The following ANAPC1 variants were observed in gnomAD, a reference collection of about 807,000 sequenced individuals.
ANAPC1 encodes anaphase promoting complex subunit 1.
In ANAPC1, 36 loss-of-function variants were observed where a neutral mutation model predicts 208.0. The ratio of observed to expected loss-of-function variants is 0.17; its 90% CI spans 0.13 to 0.23. The LOEUF is 0.23. Among genes scored for constraint, ANAPC1 ranks in the 10% least tolerant of loss-of-function variants. The probability of loss-of-function intolerance (pLI) is 1.00; values close to 1 mark genes in which losing one functional copy is unlikely to be tolerated. For synonymous variants in ANAPC1, 378 were observed against 695.2 expected (o/e 0.54, Z 7.18); for missense variants, 942 against 2,011.6 (o/e 0.47, Z 10.17).
At chr2:111,845,843 C>T (rs892728064) in intron 16 of ANAPC1, among the ~76,000 whole-genome samples, 50 of 151,980 alleles carry the variant, frequency 3.3e-4, no homozygotes, top group Admixed American at 8.5e-4. Flanking sequence ...GGCGTGGTGG[C>T]GGGCACCTGT....
At chr2:111,821,533 A>T (rs1294403195) in intron 25 of ANAPC1, 80 bp from the exon 26 acceptor site, 1 of 1,476,038 alleles carries the variant, frequency 6.8e-7, no homozygotes, top group Non-Finnish European at 9.3e-7. Context: ...ATATAGGCTG[A>T]TGTGTCTTGA....
chr2:111,852,036 T>A, intron 13 of ANAPC1, among the ~76,000 whole-genome samples: 1 of 151,812 alleles, frequency 6.6e-6, no homozygotes, highest in Non-Finnish European at 1.5e-5. Context: ...AATAAAATCC[T>A]TAGGCTTAAA....
chr2:111,779,899 T>C (rs1460034568), intron 44 of ANAPC1: 5 of 236,428 alleles, frequency 2.1e-5, no homozygotes, highest in East Asian at 1.3e-4. Context: ...CCTTGGAATC[T>C]TGAAGGTAAC....
chr2:111,826,266 C>T (rs1175254552), intron 21 of ANAPC1, among the ~76,000 whole-genome samples: 5 of 152,130 alleles, frequency 3.3e-5, no homozygotes, highest in African/African-American at 4.8e-5. Flanking sequence ...CTGTGAGTTT[C>T]GACAAATGTT....
At chr2:111,787,024 C>CT (rs1437797575) in intron 39 of ANAPC1, among the ~76,000 whole-genome samples, 1 of 147,678 alleles carries the variant, frequency 6.8e-6, no homozygotes, top group Non-Finnish European at 1.5e-5. Context: ...TGGCAGGTGC[C>CT]TGTAGTCCCA....
At chr2:111,779,767 C>T (rs1284268789) in intron 44 of ANAPC1, 4 of 165,102 alleles carry the variant, frequency 2.4e-5, no homozygotes, top group African/African-American at 7.3e-5. Context: ...GGCTTCACTC[C>T]GGGAGGTCAA....
At chr2:111,852,776 G>C (rs1388932729) in intron 13 of ANAPC1, among the ~76,000 whole-genome samples, 1 of 151,902 alleles carries the variant, frequency 6.6e-6, no homozygotes, top group Admixed American at 6.6e-5. Context: ...ATATGTAACA[G>C]AGACTGCATG....
intron 6 of ANAPC1, among the ~76,000 whole-genome samples, chr2:111,871,062 A>C (rs951960215): frequency 6.6e-6 from 1 of 152,078 alleles, no homozygotes; most frequent in African/African-American, 2.4e-5. Flanking sequence ...CTATGTGCCT[A>C]CTTTTATACC....
At chr2:111,837,480 C>A (rs942277327) in intron 18 of ANAPC1, among the ~76,000 whole-genome samples, 14 of 152,114 alleles carry the variant, frequency 9.2e-5, no homozygotes, top group African/African-American at 3.4e-4. Context: ...ATTGGCCAGG[C>A]GTGGTGGCGC....
At chr2:111,850,204 A>C (rs1681312461) in intron 14 of ANAPC1, among the ~76,000 whole-genome samples, 1 of 151,212 alleles carries the variant, frequency 6.6e-6, no homozygotes, top group South Asian at 2.1e-4. Context: ...CTACAGATTT[A>C]TTGAGTCCTT....
intron 7 of ANAPC1, among the ~76,000 whole-genome samples, chr2:111,867,456 C>T (rs1292171678): frequency 1.3e-5 from 2 of 151,900 alleles, no homozygotes; most frequent in South Asian, 2.1e-4. Context: ...TTTGGGAGGC[C>T]GAGGTGGGTG....
At chr2:111,882,575 C>G in intron 1 of ANAPC1, among the ~76,000 whole-genome samples, 1 of 136,794 alleles carries the variant, frequency 7.3e-6, no homozygotes, top group Non-Finnish European at 1.6e-5. Flanking sequence ...ACTAAAAATA[C>G]AAAAAAAAAA....
chr2:111,834,707 C>G lies in ANAPC1; in HGVS notation c.2281G>C (p.Ala761Pro), dbSNP rs549320657. The change falls in exon 19 of 48, where the codon GCA (alanine) becomes CCA (proline). Residue 761 changes from alanine to proline, a missense_variant. By Grantham distance (27) the Ala-to-Pro change is conservative. Transcript: ENST00000341068. ...ACAAGGTGAAGAACGAAAAAAATTGCAGGTATGTGAGTAAAGAGAAGTGTA... is the reference window on the plus strand; with the variant it reads ...ACAAGGTGAAGAACGAAAAAAATTGGAGGTATGTGAGTAAAGAGAAGTGTA... ...SSTLLFTHIP[A>P]IFFVLHLVYE... 1 of 1,613,466 alleles carries G rather than the reference C, an allele frequency of 6.2e-7. No homozygotes were observed. The highest frequency in any genetic ancestry group is 1.1e-5 in the South Asian group (1 of 91,036).
chr2:111,845,555 T>G (rs1224876307), intron 16 of ANAPC1, among the ~76,000 whole-genome samples: 1 of 152,228 alleles, frequency 6.6e-6, no homozygotes, highest in Non-Finnish European at 1.5e-5. Flanking sequence ...ACTATGGGGC[T>G]TCTGTTTGGC....
At chr2:111,795,030 G>A in intron 34 of ANAPC1, 136 bp from the exon 35 acceptor site, 4 of 991,802 alleles carry the variant, frequency 4.0e-6, no homozygotes, top group Non-Finnish European at 5.8e-6. Flanking sequence ...TCACTCAAAA[G>A]CCTATATTTT....
chr2:111,858,516 T>TG, intron 10 of ANAPC1, 115 bp from the exon 11 acceptor site: 2 of 656,086 alleles, frequency 3.0e-6, no homozygotes, highest in Non-Finnish European at 5.0e-6. Context: ...ATCCCAACAC[T>TG]TTGGGAGGCC....
chr2:111,772,446 G>C lies in ANAPC1; in HGVS notation c.5614C>G (p.Leu1872Val). The C allele has an allele frequency of 1.9e-6, 3 of 1,570,556 alleles. No homozygotes were observed. Among genetic ancestry groups the C allele is most frequent in the Non-Finnish European group, 2.6e-6 (3 of 1,151,138 alleles). ...VGGDMCVHAY[L>V]SGQPLEESQL... ...GATTCCTCCAAGGGCTGCCCGCTGA[G>C]GTAGGCGTGCACACACATATCACCC... Residue 1872 changes from leucine (L) to valine (V), a missense_variant, in exon 47 of 48, where the codon CTC becomes GTC. By Grantham distance (32) the Leu-to-Val change is conservative (BLOSUM62 1). Transcript: ENST00000341068.
intron 24 of ANAPC1, among the ~76,000 whole-genome samples, chr2:111,823,297 A>G (rs1573396016): frequency 1.3e-5 from 2 of 151,964 alleles, no homozygotes; most frequent in Non-Finnish European, 1.5e-5. Flanking sequence ...CATTACAGGC[A>G]TGAGCCACCG....
At chr2:111,832,597 G>A (rs956852881) in intron 20 of ANAPC1, among the ~76,000 whole-genome samples, 4 of 152,108 alleles carry the variant, frequency 2.6e-5, no homozygotes, top group African/African-American at 9.7e-5. Context: ...GTAGCATATG[G>A]TTAGTGGTAC....
Sources: gnomAD v4.1 joint callset for allele counts (sites outside exome capture counted in the v4.1 genomes callset) on GRCh38, gnomAD v4.1.1 for gene constraint, MANE v1.5 for transcripts, NCBI Gene and HGNC (gene_info 2026-07-23, HGNC 2026-07-21) for gene names.